CCNT2: variants seen among roughly 807,000 people sequenced by gnomAD.
The protein encoded by CCNT2 is cyclin-T2.
CCNT2 carries 18 observed loss-of-function variants against 70.0 expected under a neutral mutation model. That is an observed-to-expected ratio of 0.26 (90% confidence interval 0.18 to 0.38). The LOEUF (loss-of-function observed/expected upper bound fraction) is 0.38, where lower values mean the gene tolerates loss of function less well. CCNT2 is among the 10% of genes least tolerant of loss of function. The pLI is 1.00. For synonymous variants in CCNT2, 334 were observed against 313.3 expected, an observed-to-expected ratio of 1.07 and a Z score of -0.70; for missense variants, 734 against 890.2, an observed-to-expected ratio of 0.82 and a Z score of 2.23.
rs1488534119 is a variant in CCNT2, at chr2:134,958,884, C to T, written c.*4236C>T. The T allele has an allele frequency of 1.3e-5, 2 of 152,286 alleles. No homozygotes were observed. The highest frequency in any genetic ancestry group is 4.1e-4 in the South Asian group (2 of 4,824). The allele number at this position is 152,286 out of a possible 1,614,324, so 9.4% of individuals were successfully genotyped here. On this transcript the variant is annotated 3_prime_UTR_variant, in exon 9 of 9. Transcript: ENST00000264157. The stretch of plus-strand genomic sequence containing the variant: ...GATTAAGTAGGTTGATAAGATCCAT[C>T]GAAGATTGAATGGCTAGGAGTAATT...
rs144455981 is a variant in CCNT2 at position 134,954,520 on chromosome 2, A to C, written c.2065A>C (p.Lys689Gln). The part of the protein sequence containing the change: ...GHLSTLVKLD[K>Q]KPVETNGPDA... ...TCTCAGCACCCTCGTGAAACTGGAC[A>C]AGAAGCCAGTGGAGACCAACGGTCC... Residue 689 changes from lysine (K) to glutamine (Q), a missense_variant, in exon 9 of 9, where the codon AAG becomes CAG. By Grantham distance (53) the Lys-to-Gln change is moderately conservative (BLOSUM62 1). This residue lies in a region of CCNT2 where 532 missense variants were observed against 556.9 expected (regional missense o/e 0.96). Transcript: ENST00000264157. 199 of 1,614,146 alleles carry C rather than the reference A, an allele frequency of 1.2e-4. No homozygotes were observed. In the South Asian group the frequency reaches 1.4e-3, roughly 11 times the overall value.
chr2:134,928,274 C>CTTTTTTTTTTTTTTTT (rs551173090), intron 2 of CCNT2, among the ~76,000 whole-genome samples: 11 of 96,382 alleles, frequency 1.1e-4, no homozygotes, highest in South Asian at 7.4e-4. Context: ...CATTGTATTT[C>CTTTTTTTTTTTTTTTT]TTTTTTTTTT....
intron 2 of CCNT2, among the ~76,000 whole-genome samples, chr2:134,931,457 C>G (rs1680765784): frequency 6.6e-6 from 1 of 151,740 alleles, no homozygotes; most frequent in Non-Finnish European, 1.5e-5. Context: ...GTCTTGATTA[C>G]TGTAGCTTTG....
In CCNT2 at chr2:134,958,543, C is replaced by G. The variant is rs534210140; in HGVS notation, c.*3895C>G. 2 of 152,334 alleles carry G rather than the reference C, an allele frequency of 1.3e-5. No individual in the cohort carries two copies. Among genetic ancestry groups the G allele is most frequent in the East Asian group, 1.9e-4 (1 of 5,186 alleles). The allele number at this position is 152,334 out of a possible 1,614,324, so 9.4% of individuals were successfully genotyped here. A position where few individuals can be genotyped will look rare whatever the true frequency, so the allele number is the denominator to read the frequency against. ...TTGCATTGGAAAAGCAGCACATTCTCTGACCTTGGGTACCAAGCTATGATA... is the reference window on the plus strand; with the variant it reads ...TTGCATTGGAAAAGCAGCACATTCTGTGACCTTGGGTACCAAGCTATGATA... On this transcript the variant is annotated 3_prime_UTR_variant, in exon 9 of 9. Coordinates refer to ENST00000264157, the MANE Select transcript of CCNT2 (RefSeq NM_058241.3).
At chr2:134,919,962 T>G in intron 2 of CCNT2, 71 bp downstream of exon 2, 2 of 1,035,844 alleles carry the variant, frequency 1.9e-6, no homozygotes, top group Non-Finnish European at 3.0e-6. Context: ...AAAAAGTTGG[T>G]CATTGCGTTG....
chr2:134,946,250 T>C, intron 6 of CCNT2, 104 bp downstream of exon 6: 2 of 1,377,856 alleles, frequency 1.5e-6, no homozygotes, highest in East Asian at 4.6e-5. Context: ...GACAGGAGAC[T>C]GGACCATCTA....
Position 134,919,028 on chromosome 2 carries a change from C to A in CCNT2, c.158+16C>A, listed in dbSNP as rs752483521. Reference sequence around the variant, plus strand: ...GTCTCAATGTGTATCCTTTTCTGTTCGCCGCCGCTCACGCCCTGTTTCCCT... The same window carrying A: ...GTCTCAATGTGTATCCTTTTCTGTTAGCCGCCGCTCACGCCCTGTTTCCCT... On this transcript the variant is annotated intron_variant, in intron 1 of 8. Transcript: ENST00000264157. The A allele has an allele frequency of 3.8e-6, 6 of 1,584,820 alleles. No homozygotes were observed. Among genetic ancestry groups the A allele is most frequent in the South Asian group, 1.1e-5 (1 of 89,774 alleles).
At chr2:134,941,211 C>T (rs1246722801) in intron 4 of CCNT2, among the ~76,000 whole-genome samples, 2 of 152,190 alleles carry the variant, frequency 1.3e-5, no homozygotes, top group Non-Finnish European at 2.9e-5. Flanking sequence ...GCCTGCCTCT[C>T]CTGCCTCCTC....
At chr2:134,951,901 C>G (rs998329248) in intron 7 of CCNT2, among the ~76,000 whole-genome samples, 1 of 152,172 alleles carries the variant, frequency 6.6e-6, no homozygotes, top group African/African-American at 2.4e-5. Flanking sequence ...CATGTCCCTT[C>G]AAGTCTTCTC....
chr2:134,950,743 G>A (rs576418075), intron 7 of CCNT2, among the ~76,000 whole-genome samples: 1 of 152,332 alleles, frequency 6.6e-6, no homozygotes, highest in Admixed American at 6.5e-5. Flanking sequence ...TTCCAGAAAA[G>A]AACATTGGCT....
chr2:134,949,802 C>CGTGGG (rs1553525573), intron 7 of CCNT2, among the ~76,000 whole-genome samples: 1 of 48,896 alleles, frequency 2.0e-5, no homozygotes, highest in Non-Finnish European at 4.3e-5. Context: ...ATTTTTTTTT[C>CGTGGG]GGGGGGGGGG....
At position 134,953,478 on chromosome 2, in the gene CCNT2, T is replaced by G; in HGVS notation, c.1023T>G (p.Thr341=). 6.2e-7 allele frequency: 1 copy of G among 1,614,140 alleles called. No individual in the cohort carries two copies. The highest frequency in any genetic ancestry group is 8.5e-7 in the Non-Finnish European group (1 of 1,179,994). Reference sequence around the variant, plus strand: ...TGCTAGCAACAGGAATGCCAAGTACTTCATACGGTTTATCATCACACCAGG... The same window carrying G: ...TGCTAGCAACAGGAATGCCAAGTACGTCATACGGTTTATCATCACACCAGG... ...LSMLATGMPS[T]SYGLSSHQEW... is the part of the protein sequence containing the mutation. The change falls in exon 9 of 9, where the codon ACT becomes ACG. Residue 341 remains threonine (T), a synonymous_variant. Coordinates refer to ENST00000264157, the MANE Select transcript of CCNT2 (RefSeq NM_058241.3).
At chr2:134,943,643 TATCTG>T (rs1681732645) in intron 5 of CCNT2, 1 of 983,630 alleles carries the variant, frequency 1.0e-6, no homozygotes, top group African/African-American at 1.7e-5. Context: ...TATCTGGTAG[TATCTG>T]ATACAGCATT....
At chr2:134,952,283 T>C (rs1682570037) in intron 7 of CCNT2, among the ~76,000 whole-genome samples, 1 of 152,224 alleles carries the variant, frequency 6.6e-6, no homozygotes. Context: ...CTCAAACTTT[T>C]GTCCACTAAT....
chr2:134,925,890 A>G (rs188166278), intron 2 of CCNT2, among the ~76,000 whole-genome samples: 1,328 of 114,836 alleles, frequency 0.012, 14 homozygotes, highest in Middle Eastern at 0.073. Flanking sequence ...TTTTGAGACT[A>G]GGTCTCCCTC....
chr2:134,952,536 G>A (rs1036879706), intron 7 of CCNT2, 105 bp from the exon 8 acceptor site: 2 of 607,352 alleles, frequency 3.3e-6, no homozygotes, highest in African/African-American at 3.8e-5. Context: ...GAGGGTAAAA[G>A]TGAAGTAGAT....
chr2:134,947,668 A>C (rs1245079413), intron 6 of CCNT2, 68 bp from the exon 7 acceptor site: 5 of 1,210,332 alleles, frequency 4.1e-6, no homozygotes, highest in Non-Finnish European at 5.5e-6. Context: ...CTTACTGGTA[A>C]ATGTTTTTCT....
At chr2:134,932,657 C>A (rs1277521626) in intron 2 of CCNT2, among the ~76,000 whole-genome samples, 1 of 152,170 alleles carries the variant, frequency 6.6e-6, no homozygotes, top group Non-Finnish European at 1.5e-5. Flanking sequence ...ACATTTTCTG[C>A]AATTCCTTAG....
chr2:134,936,689 G>C, intron 2 of CCNT2, 152 bp from the exon 3 acceptor site: 1 of 521,170 alleles, frequency 1.9e-6, no homozygotes, highest in Non-Finnish European at 3.3e-6. Flanking sequence ...GGGAGGTGGA[G>C]CTTTCAGTGA....
Sources: allele counts gnomAD v4.1 joint callset (sites outside exome capture counted in the v4.1 genomes callset), GRCh38; gene constraint gnomAD v4.1.1; regional missense constraint gnomAD v4.1.1; transcripts MANE v1.5; gene names NCBI Gene and HGNC (gene_info 2026-07-23, HGNC 2026-07-21).